Variants in MAN1C1 observed in about 807,000 individuals in gnomAD.
The protein encoded by MAN1C1 is mannosyl-oligosaccharide 1,2-alpha-mannosidase IC.
MAN1C1 carries 49 observed loss-of-function variants against 71.5 expected under a neutral mutation model. That is an observed-to-expected ratio of 0.69 (90% CI 0.54 to 0.87). The LOEUF (loss-of-function observed/expected upper bound fraction) is 0.87. Ranked by LOEUF, MAN1C1 falls within the 40% of genes least tolerant of loss-of-function variation. MAN1C1 has a pLI of 0.00. For synonymous variants in MAN1C1, 352 were observed against 343.7 expected (o/e 1.02, Z -0.27); for missense variants, 743 against 835.0 (o/e 0.89, Z 1.36).
rs563627837 is a variant in MAN1C1, at chr1:25,735,170, T to C, written c.638-11498T>C. 4.6e-5 allele frequency among the ~76,000 whole-genome samples: 7 copies of C among 152,234 alleles called. No individual in the cohort carries two copies. The South Asian group carries it at 1.2e-3, about 27-fold the overall frequency. ...GCTCACGCCTGTTATCCCAGGCCTG[T>C]CTCGTGGGAGACCGAGACAGGTGGA... On this transcript the variant is annotated intron_variant, in intron 2 of 11. Coordinates refer to ENST00000374332, the MANE Select transcript of MAN1C1 (RefSeq NM_020379.4). The surrounding 1 kb of genome is among the most constrained non-coding windows in gnomAD (Gnocchi z 4.6).
intron 1 of MAN1C1, among the ~76,000 whole-genome samples, chr1:25,683,027 G>C (rs1051460269): frequency 6.8e-6 from 1 of 146,660 alleles, no homozygotes; most frequent in Non-Finnish European, 1.5e-5. Flanking sequence ...AGCAGAGTGA[G>C]ACTCCATCTC....
rs1161307296 is a variant in MAN1C1, at chr1:25,769,673, C to T, written c.1142-1984C>T. Among the ~76,000 whole-genome samples, 3 of 152,220 alleles carry T rather than the reference C, an allele frequency of 2.0e-5. No homozygotes were observed. The highest frequency in any genetic ancestry group is 6.5e-5 in the Admixed American group (1 of 15,282). On this transcript the variant is annotated intron_variant, in intron 7 of 11. Coordinates refer to ENST00000374332, the MANE Select transcript of MAN1C1 (RefSeq NM_020379.4). The surrounding 1 kb of genome is among the most constrained non-coding windows in gnomAD (Gnocchi z 4.8). The stretch of plus-strand genomic sequence containing the variant: ...CAGGCCTCCCTTCCATTCACCTGCT[C>T]AGCACTCCATGGGCATCTCTGTGCG...
chr1:25,677,619 G>A (rs1363694558), intron 1 of MAN1C1, among the ~76,000 whole-genome samples: 1 of 152,108 alleles, frequency 6.6e-6, no homozygotes, highest in African/African-American at 2.4e-5. Flanking sequence ...CCTGGCCCAT[G>A]TTTCTTAGAG....
Position 25,746,893 on chromosome 1 carries a change from G to A in MAN1C1, c.753+110G>A, listed in dbSNP as rs1356505661. On this transcript the variant is annotated intron_variant, in intron 3 of 11. Transcript: ENST00000374332. The surrounding 1 kb of genome is among the most constrained non-coding windows in gnomAD (Gnocchi z 4.0). ...CAGAGATGTTGAGGGTCTCTCCCAC[G>A]GCTGCACAGCCCAGCAGTCTCGGAA... The A allele has an allele frequency of 1.2e-5, 9 of 735,898 alleles. No homozygotes were observed. The highest frequency in any genetic ancestry group is 5.3e-5 in the African/African-American group (3 of 56,452). The allele number at this position is 735,898 out of a possible 1,614,324, so 45.6% of individuals were successfully genotyped here. A position where few individuals can be genotyped will look rare whatever the true frequency, so the allele number is the denominator to read the frequency against.
At chr1:25,745,155 T>C (rs1372845672) in intron 2 of MAN1C1, among the ~76,000 whole-genome samples, 2 of 152,182 alleles carry the variant, frequency 1.3e-5, no homozygotes, top group Non-Finnish European at 2.9e-5. Context: ...TACTCTTCTG[T>C]CTGGTTCATG....
chr1:25,751,165 T>C (rs554378460), intron 4 of MAN1C1, among the ~76,000 whole-genome samples: 1 of 151,212 alleles, frequency 6.6e-6, no homozygotes, highest in African/African-American at 2.4e-5. Flanking sequence ...CCATCCTTCC[T>C]TCCATTTATC....
At chr1:25,637,967 A>G (rs570994122) in intron 1 of MAN1C1, among the ~76,000 whole-genome samples, 1 of 151,932 alleles carries the variant, frequency 6.6e-6, no homozygotes, top group African/African-American at 2.4e-5. Context: ...AGAACACATA[A>G]TTGGGTCTGG....
chr1:25,749,391 A>G (rs868779681), intron 4 of MAN1C1, 56 bp downstream of exon 4: 1 of 1,415,576 alleles, frequency 7.1e-7, no homozygotes, highest in South Asian at 1.2e-5. Context: ...GCTTTGGAGA[A>G]TATCCAGTCC....
chr1:25,696,631 T>C (rs2046373480), intron 2 of MAN1C1, among the ~76,000 whole-genome samples: 1 of 151,968 alleles, frequency 6.6e-6, no homozygotes, highest in Non-Finnish European at 1.5e-5. Context: ...CTGCTGTTCT[T>C]TTTTTACTTT....
chr1:25,722,615 G>A (rs1026868770), intron 2 of MAN1C1, among the ~76,000 whole-genome samples: 4 of 152,156 alleles, frequency 2.6e-5, no homozygotes, highest in East Asian at 1.9e-4. Context: ...TCTCACAGAC[G>A]CACCATTTTC....
At chr1:25,664,943 C>G (rs988343610) in intron 1 of MAN1C1, among the ~76,000 whole-genome samples, 4 of 152,180 alleles carry the variant, frequency 2.6e-5, no homozygotes, top group Non-Finnish European at 5.9e-5. Flanking sequence ...ACCTCACAAG[C>G]AAGGCTGGCG....
chr1:25,644,203 A>G (rs532331361), intron 1 of MAN1C1, among the ~76,000 whole-genome samples: 9 of 152,092 alleles, frequency 5.9e-5, no homozygotes, highest in African/African-American at 2.2e-4. Context: ...GCATTTCAGG[A>G]GAATGTGGGC....
chr1:25,676,266 T>C (rs2046066561), intron 1 of MAN1C1, among the ~76,000 whole-genome samples: 4 of 152,142 alleles, frequency 2.6e-5, no homozygotes, highest in South Asian at 4.1e-4. Context: ...ATTTCCCACA[T>C]TGGCCTTTCA....
At chr1:25,706,970 T>C (rs2046532336) in intron 2 of MAN1C1, among the ~76,000 whole-genome samples, 1 of 152,206 alleles carries the variant, frequency 6.6e-6, no homozygotes, top group Non-Finnish European at 1.5e-5. Context: ...CCACCTTAGT[T>C]GCCTTGCAGG....
intron 5 of MAN1C1, among the ~76,000 whole-genome samples, chr1:25,754,551 C>T (rs909947631): frequency 3.3e-5 from 5 of 151,930 alleles, no homozygotes; most frequent in African/African-American, 4.8e-5. Flanking sequence ...GGGGTGCTCT[C>T]GGGGGCCGGA....
chr1:25,685,959 C>A lies in MAN1C1; in HGVS notation c.541-481C>A, dbSNP rs2046224769. Among the ~76,000 whole-genome samples the A allele has an allele frequency of 4.6e-5, 7 of 152,332 alleles. 1 individual carries two copies. Among genetic ancestry groups the A allele is most frequent in the African/African-American group, 1.7e-4 (7 of 41,580 alleles). ...CCAGAGGGGATGGCTCAATTCCCAA[C>A]ATTCTCACTGACTCACTGAGCGATG... On this transcript the variant is annotated intron_variant, in intron 1 of 11. Transcript: ENST00000374332.
chr1:25,658,020 T>G (rs3767900), intron 1 of MAN1C1, among the ~76,000 whole-genome samples: 17,848 of 152,230 alleles, frequency 0.12, 2,435 homozygotes, highest in African/African-American at 0.31. Flanking sequence ...TGTGGTGCTC[T>G]ACACCATCTC....
intron 2 of MAN1C1, among the ~76,000 whole-genome samples, chr1:25,718,532 C>T (rs2046714559): frequency 6.6e-6 from 1 of 152,182 alleles, no homozygotes; most frequent in African/African-American, 2.4e-5. Context: ...ATTGTATAAA[C>T]ATCATCAGAA....
rs1327954429 is a variant in MAN1C1, at chr1:25,775,496, A to G, written c.1258-2609A>G. Among the ~76,000 whole-genome samples, 2 of 152,238 alleles carry G rather than the reference A, an allele frequency of 1.3e-5. No individual in the cohort carries two copies. Among genetic ancestry groups the G allele is most frequent in the African/African-American group, 4.8e-5 (2 of 41,464 alleles). On this transcript the variant is annotated intron_variant, in intron 8 of 11. Coordinates refer to ENST00000374332, the MANE Select transcript of MAN1C1 (RefSeq NM_020379.4). The surrounding 1 kb of genome is among the most constrained non-coding windows in gnomAD (Gnocchi z 5.1). Reference sequence around the variant, plus strand: ...CTTGAGCATCTTCTGTGTGTCGGGCACTGGCTGGAGGCTGCTGCTGGTGGC... The same window carrying G: ...CTTGAGCATCTTCTGTGTGTCGGGCGCTGGCTGGAGGCTGCTGCTGGTGGC...
Sources: gnomAD v4.1 joint callset for allele counts (sites outside exome capture counted in the v4.1 genomes callset) on GRCh38, gnomAD v4.1.1 for gene constraint, Gnocchi (gnomAD v3.1) non-coding constraint, MANE v1.5 for transcripts, NCBI Gene and HGNC (gene_info 2026-07-23, HGNC 2026-07-21) for gene names.